SDK1: variants seen among roughly 807,000 people sequenced by gnomAD.
SDK1 encodes protein sidekick-1.
In SDK1, 157 loss-of-function variants were observed where a neutral mutation model predicts 245.5. The observed-to-expected ratio is 0.64, with a 90% CI of 0.56 to 0.73. The LOEUF (loss-of-function observed/expected upper bound fraction) is 0.73. Among genes scored for constraint, SDK1 ranks in the 30% least tolerant of loss-of-function variants. The pLI is 0.00. For missense variants in SDK1, 3,583 were observed against 3,002.3 expected (o/e 1.19, Z -4.52); for synonymous variants, 1,647 against 1,278.5 (o/e 1.29, Z -6.15).
intron 1 of SDK1, among the ~76,000 whole-genome samples, chr7:3,339,476 G>C (rs1476388632): frequency 6.6e-6 from 1 of 151,948 alleles, no homozygotes; most frequent in Non-Finnish European, 1.5e-5. Context: ...CGAAACAATA[G>C]AATACCCTAC....
chr7:3,721,827 G>A (rs772810383), intron 4 of SDK1, among the ~76,000 whole-genome samples: 24 of 152,132 alleles, frequency 1.6e-4, no homozygotes, highest in Non-Finnish European at 2.4e-4. Context: ...GGCTTAGACC[G>A]GTTGGCATAA....
intron 4 of SDK1, among the ~76,000 whole-genome samples, chr7:3,656,969 A>C (rs11978956): frequency 0.35 from 53,507 of 151,330 alleles, 10,179 homozygotes; most frequent in African/African-American, 0.48. Flanking sequence ...GGATGGTCTC[A>C]ATCTCCTGAC....
chr7:3,661,606 T>G (rs576081541), intron 4 of SDK1, among the ~76,000 whole-genome samples: 6 of 152,226 alleles, frequency 3.9e-5, no homozygotes, highest in African/African-American at 1.4e-4. Flanking sequence ...ATTAAAAATT[T>G]TAAAAACTGT....
intron 1 of SDK1, among the ~76,000 whole-genome samples, chr7:3,449,552 A>T (rs1780449143): frequency 6.6e-6 from 1 of 152,248 alleles, no homozygotes; most frequent in Admixed American, 6.5e-5. Flanking sequence ...AATTAGAAGT[A>T]GGCTTTTGGA....
chr7:3,712,274 A>G (rs1785071577), intron 4 of SDK1, among the ~76,000 whole-genome samples: 1 of 152,064 alleles, frequency 6.6e-6, no homozygotes, highest in South Asian at 2.1e-4. Flanking sequence ...CGTGAACCTT[A>G]TTGTGAACTG....
chr7:4,183,159 C>T (rs68014979), intron 35 of SDK1, among the ~76,000 whole-genome samples: 15,327 of 152,084 alleles, frequency 0.1, 1,031 homozygotes, highest in African/African-American at 0.19. Flanking sequence ...CCCCCTAAGC[C>T]GTGAGTCGTG....
At chr7:3,871,481 C>G (rs575651985) in intron 5 of SDK1, among the ~76,000 whole-genome samples, 3 of 152,132 alleles carry the variant, frequency 2.0e-5, no homozygotes, top group African/African-American at 7.2e-5. Flanking sequence ...TAAAGGAATA[C>G]GTGAGGCTGG....
intron 1 of SDK1, among the ~76,000 whole-genome samples, chr7:3,507,940 T>C (rs577856942): frequency 7.2e-5 from 11 of 152,326 alleles, no homozygotes; most frequent in African/African-American, 2.6e-4. Flanking sequence ...TCGGTCTTAA[T>C]CTCACTTGAT....
intron 25 of SDK1, among the ~76,000 whole-genome samples, chr7:4,124,630 G>A (rs938451972): frequency 6.6e-6 from 1 of 152,202 alleles, no homozygotes; most frequent in Non-Finnish European, 1.5e-5. Context: ...ACAAAATAAG[G>A]ATTCAGGGGG....
chr7:4,164,635 C>G (rs1408131471), intron 32 of SDK1, among the ~76,000 whole-genome samples: 1 of 152,204 alleles, frequency 6.6e-6, no homozygotes, highest in Non-Finnish European at 1.5e-5. Context: ...AGCTCCTTTC[C>G]TATAAAGGCA....
chr7:3,502,054 G>A (rs1036321614), intron 1 of SDK1, among the ~76,000 whole-genome samples: 1 of 152,006 alleles, frequency 6.6e-6, no homozygotes, highest in Non-Finnish European at 1.5e-5. Flanking sequence ...ACTGCCATTT[G>A]ATTTCTATAA....
At chr7:4,239,833 C>CAGAT (rs1406540659) in intron 42 of SDK1, among the ~76,000 whole-genome samples, 1 of 152,172 alleles carries the variant, frequency 6.6e-6, no homozygotes, top group Non-Finnish European at 1.5e-5. Context: ...TTTGGAAAGG[C>CAGAT]AGATCCCTGA....
chr7:3,796,790 C>T (rs1256634078), intron 4 of SDK1, among the ~76,000 whole-genome samples: 1 of 152,150 alleles, frequency 6.6e-6, no homozygotes, highest in Non-Finnish European at 1.5e-5. Context: ...GTTTGCTGTA[C>T]ACATTTTTGC....
chr7:3,439,239 T>G (rs928884630), intron 1 of SDK1, among the ~76,000 whole-genome samples: 1 of 152,174 alleles, frequency 6.6e-6, no homozygotes, highest in Non-Finnish European at 1.5e-5. Flanking sequence ...GTTAACCTAT[T>G]TAGATAAATA....
At chr7:3,652,862 A>G (rs1240573717) in intron 4 of SDK1, among the ~76,000 whole-genome samples, 1 of 152,212 alleles carries the variant, frequency 6.6e-6, no homozygotes, top group African/African-American at 2.4e-5. Flanking sequence ...GGGAGTGATG[A>G]GTCTCGATTG....
At chr7:3,443,953 C>G (rs539841817) in intron 1 of SDK1, among the ~76,000 whole-genome samples, 1 of 152,258 alleles carries the variant, frequency 6.6e-6, no homozygotes, top group East Asian at 1.9e-4. Context: ...GGTTTAATAA[C>G]AAAAGAGCAT....
chr7:3,664,418 A>G (rs1379549304), intron 4 of SDK1, among the ~76,000 whole-genome samples: 1 of 152,148 alleles, frequency 6.6e-6, no homozygotes, highest in East Asian at 1.9e-4. Context: ...CTGGAATATT[A>G]CAGCCTTTTT....
chr7:3,580,638 A>G (rs528577729), intron 1 of SDK1, among the ~76,000 whole-genome samples: 2 of 152,150 alleles, frequency 1.3e-5, no homozygotes, highest in Non-Finnish European at 2.9e-5. Context: ...CTCAAGATGG[A>G]TTAAAGACTT....
At chr7:3,443,152 G>A (rs1039386750) in intron 1 of SDK1, among the ~76,000 whole-genome samples, 3 of 150,314 alleles carry the variant, frequency 2.0e-5, no homozygotes, top group Admixed American at 6.6e-5. Flanking sequence ...GATATTTTAT[G>A]TTCTATATAG....
Sources: gnomAD v4.1 joint callset for allele counts (sites outside exome capture counted in the v4.1 genomes callset) on GRCh38, gnomAD v4.1.1 for gene constraint, MANE v1.5 for transcripts, NCBI Gene and HGNC (gene_info 2026-07-23, HGNC 2026-07-21) for gene names.